The following PDS5B variants were observed in gnomAD, a reference collection of about 807,000 sequenced individuals.
The protein encoded by PDS5B is sister chromatid cohesion protein PDS5 homolog B.
In PDS5B, 51 loss-of-function variants were observed where a neutral mutation model predicts 184.1. The observed-to-expected ratio is 0.28, with a 90% confidence interval of 0.22 to 0.35. The LOEUF (loss-of-function observed/expected upper bound fraction) is 0.35, where lower values mean the gene tolerates loss of function less well. PDS5B is among the 10% of genes least tolerant of loss of function. The pLI is 1.00. For missense variants in PDS5B, 1,180 were observed against 1,723.3 expected, an observed-to-expected ratio of 0.68 and a Z score of 5.58; for synonymous variants, 566 against 569.2, an observed-to-expected ratio of 0.99 and a Z score of 0.08.
intron 1 of PDS5B, among the ~76,000 whole-genome samples, chr13:32,610,616 A>T (rs949435120): frequency 6.8e-5 from 10 of 146,454 alleles, no homozygotes; most frequent in South Asian, 6.6e-4. Flanking sequence ...TTTGAACCAA[A>T]TTTTTTTTTT....
At chr13:32,624,335 G>C (rs2058342541) in intron 1 of PDS5B, among the ~76,000 whole-genome samples, 1 of 151,862 alleles carries the variant, frequency 6.6e-6, no homozygotes, top group Admixed American at 6.6e-5. Flanking sequence ...TTTTTCATCT[G>C]TTTGTCTCTT....
chr13:32,646,072 A>G (rs1343234417), intron 1 of PDS5B, among the ~76,000 whole-genome samples: 2 of 152,032 alleles, frequency 1.3e-5, no homozygotes, highest in African/African-American at 4.8e-5. Flanking sequence ...TGGTGTGATC[A>G]TGGCTTGCTG....
In PDS5B at chr13:32,760,567, C is replaced by T; in HGVS notation, c.3373-8C>T. 1 of 1,612,452 alleles carries T rather than the reference C, an allele frequency of 6.2e-7. No homozygotes were observed. Among genetic ancestry groups the T allele is most frequent in the Middle Eastern group, 1.7e-4 (1 of 6,052 alleles). On this transcript the variant is annotated splice_region_variant and splice_polypyrimidine_tract_variant and intron_variant, in intron 29 of 34. Coordinates refer to ENST00000315596, the MANE Select transcript of PDS5B (RefSeq NM_015032.4). Reference sequence around the variant, plus strand: ...CAAATAAAAAGAGATGTGCATTTCTCATTTCAGCCTAAAACAACCAATGTT... The same window carrying T: ...CAAATAAAAAGAGATGTGCATTTCTTATTTCAGCCTAAAACAACCAATGTT...
Position 32,602,277 on chromosome 13 carries a change from A to G in PDS5B, c.-20+15684A>G, listed in dbSNP as rs370573960. Among the ~76,000 whole-genome samples the G allele has an allele frequency of 2.6e-5, 4 of 151,906 alleles. No homozygotes were observed. In the South Asian group the frequency reaches 8.3e-4, roughly 32 times the overall value. ...CTCACCCCACTACAGGCCCTGGTGT[A>G]TGATGTTCCCCACCCTGTGTCCAAG... On this transcript the variant is annotated intron_variant, in intron 1 of 34. Coordinates refer to ENST00000315596, the MANE Select transcript of PDS5B (RefSeq NM_015032.4).
At chr13:32,767,509 AT>A (rs750175947) in intron 31 of PDS5B, among the ~76,000 whole-genome samples, 1 of 152,188 alleles carries the variant, frequency 6.6e-6, no homozygotes, top group Non-Finnish European at 1.5e-5. Flanking sequence ...TACTCTGATA[AT>A]TTTGGTTTGT....
intron 25 of PDS5B, among the ~76,000 whole-genome samples, chr13:32,755,000 CTG>C (rs1307449784): frequency 2.0e-5 from 3 of 152,130 alleles, no homozygotes; most frequent in Non-Finnish European, 2.9e-5. Flanking sequence ...AGATTTTGAA[CTG>C]TGTTACCTTT....
At chr13:32,742,178 G>A in intron 22 of PDS5B, among the ~76,000 whole-genome samples, 1 of 152,146 alleles carries the variant, frequency 6.6e-6, no homozygotes, top group East Asian at 1.9e-4. Context: ...AGGAAGTAAT[G>A]GGTGTAAAAA....
intron 30 of PDS5B, chr13:32,763,445 T>G (rs570183510): frequency 6.6e-6 from 1 of 151,818 alleles, no homozygotes; most frequent in South Asian, 2.1e-4. Context: ...TTTTTAAGAG[T>G]AGTGAAATGC....
At chr13:32,756,791 C>G (rs924490215) in intron 26 of PDS5B, among the ~76,000 whole-genome samples, 2 of 151,978 alleles carry the variant, frequency 1.3e-5, no homozygotes, top group African/African-American at 4.8e-5. Context: ...GAAAAAATGC[C>G]CTTTTTTTCC....
chr13:32,684,340 G>A (rs867157308), intron 11 of PDS5B, among the ~76,000 whole-genome samples: 2 of 152,116 alleles, frequency 1.3e-5, no homozygotes, highest in Non-Finnish European at 2.9e-5. Context: ...CTTCTCTTAT[G>A]TTGTTGACTC....
intron 19 of PDS5B, among the ~76,000 whole-genome samples, chr13:32,720,066 G>A (rs1490851053): frequency 6.6e-6 from 1 of 152,060 alleles, no homozygotes; most frequent in Admixed American, 6.5e-5. Context: ...CCAAAGTGTT[G>A]GAATTACAGG....
At chr13:32,717,718 AT>A (rs1378163811) in intron 19 of PDS5B, among the ~76,000 whole-genome samples, 1 of 144,334 alleles carries the variant, frequency 6.9e-6, no homozygotes, top group African/African-American at 2.7e-5. Flanking sequence ...AAATCAATAA[AT>A]TAAAAAAAAA....
intron 3 of PDS5B, among the ~76,000 whole-genome samples, chr13:32,656,273 C>CTTTTTTTTTTTTTTTTTT (rs71071057): frequency 6.2e-5 from 6 of 96,788 alleles, no homozygotes; most frequent in Admixed American, 1.3e-4. Flanking sequence ...TCTCCAGCTT[C>CTTTTTTTTTTTTTTTTTT]TTTTTTTTTT....
At chr13:32,687,655 A>G (rs1951434900) in intron 12 of PDS5B, among the ~76,000 whole-genome samples, 1 of 152,218 alleles carries the variant, frequency 6.6e-6, no homozygotes, top group Non-Finnish European at 1.5e-5. Flanking sequence ...TTTAAAAACA[A>G]TTTCTACTGA....
chr13:32,655,038 A>G (rs1950466258), intron 3 of PDS5B, among the ~76,000 whole-genome samples: 2 of 152,096 alleles, frequency 1.3e-5, no homozygotes, highest in Non-Finnish European at 2.9e-5. Context: ...CTTTGGTTAT[A>G]TACCCAATAA....
At chr13:32,770,582 C>A (rs1290230531) in intron 32 of PDS5B, 22 bp downstream of exon 32, 1 of 1,601,404 alleles carries the variant, frequency 6.2e-7, no homozygotes, top group Admixed American at 1.7e-5. Flanking sequence ...TAACTCTAAA[C>A]TGCATCTGTT....
chr13:32,605,895 CT>C (rs570330617), intron 1 of PDS5B, among the ~76,000 whole-genome samples: 65 of 129,152 alleles, frequency 5.0e-4, no homozygotes, highest in Middle Eastern at 4.1e-3. Flanking sequence ...GCAACCCCTG[CT>C]TTTTTTTTTT....
intron 27 of PDS5B, 125 bp downstream of exon 27, chr13:32,758,344 C>T (rs1012320170): frequency 1.6e-5 from 15 of 964,038 alleles, no homozygotes; most frequent in East Asian, 5.4e-5. Flanking sequence ...ATTAGAATTA[C>T]GTAGAATTAG....
intron 1 of PDS5B, among the ~76,000 whole-genome samples, chr13:32,615,541 G>C (rs2058205611): frequency 6.6e-6 from 1 of 152,120 alleles, no homozygotes; most frequent in South Asian, 2.1e-4. Context: ...ATTATATTTT[G>C]CCTTTTCTAT....
Sources: allele counts gnomAD v4.1 joint callset (sites outside exome capture counted in the v4.1 genomes callset), GRCh38; gene constraint gnomAD v4.1.1; transcripts MANE v1.5; gene names NCBI Gene and HGNC (gene_info 2026-07-23, HGNC 2026-07-21).